KLF12: variants seen among roughly 807,000 people sequenced by gnomAD.
KLF12 encodes the protein Krueppel-like factor 12.
Under a neutral mutation model 37.8 loss-of-function variants are expected in KLF12, and 9 were observed. That is an observed-to-expected ratio of 0.24 (90% CI 0.14 to 0.42). The LOEUF (loss-of-function observed/expected upper bound fraction) is 0.42. KLF12 is among the 10% of genes least tolerant of loss of function. The probability of loss-of-function intolerance (pLI) is 1.00; values close to 1 mark genes in which losing one functional copy is unlikely to be tolerated. For synonymous variants in KLF12, 208 were observed against 202.1 expected (o/e 1.03, Z -0.25); for missense variants, 411 against 516.0 (o/e 0.80, Z 1.97).
the KLF12 span, among the ~76,000 whole-genome samples, chr13:74,306,013 TA>T: frequency 2.0e-5 from 3 of 152,090 alleles, no homozygotes; most frequent in African/African-American, 7.2e-5. Context: ...TCAGGCATGA[TA>T]CCCGGTGACC....
At chr13:73,978,594 A>ATT in intron 2 of KLF12, among the ~76,000 whole-genome samples, 1 of 152,122 alleles carries the variant, frequency 6.6e-6, no homozygotes. Context: ...TCCACCAATC[A>ATT]TTTCTTTTTT....
chr13:74,014,378 T>C (rs1183978246), intron 1 of KLF12, among the ~76,000 whole-genome samples: 1 of 152,218 alleles, frequency 6.6e-6, no homozygotes, highest in Non-Finnish European at 1.5e-5. Flanking sequence ...CCATTTAGAA[T>C]ATAAAGCACA....
the KLF12 span, among the ~76,000 whole-genome samples, chr13:74,197,403 A>C: frequency 2.0e-5 from 3 of 152,142 alleles, no homozygotes; most frequent in Non-Finnish European, 2.9e-5. Context: ...TGTAAAGTTA[A>C]AATTTCAAGA....
chr13:74,228,174 T>C, the KLF12 span, among the ~76,000 whole-genome samples: 1 of 152,162 alleles, frequency 6.6e-6, no homozygotes, highest in Non-Finnish European at 1.5e-5. Context: ...GAACTATCTA[T>C]GTCTGAGGAA....
chr13:73,858,732 C>G (rs1170900481), intron 3 of KLF12, among the ~76,000 whole-genome samples: 1 of 152,076 alleles, frequency 6.6e-6, no homozygotes, highest in African/African-American at 2.4e-5. Context: ...ATTTCCATCA[C>G]TTTTTAAAAG....
At chr13:73,873,282 T>C (rs547120682) in intron 3 of KLF12, among the ~76,000 whole-genome samples, 6 of 152,234 alleles carry the variant, frequency 3.9e-5, no homozygotes, top group African/African-American at 1.2e-4. Context: ...AAAGGGTGAA[T>C]AACCATAAAC....
intron 1 of KLF12, among the ~76,000 whole-genome samples, chr13:74,070,645 G>A (rs1874178623): frequency 6.6e-6 from 1 of 152,168 alleles, no homozygotes; most frequent in South Asian, 2.1e-4. Flanking sequence ...TGAAGAAGCT[G>A]ATAAGAGTTC....
intron 6 of KLF12, among the ~76,000 whole-genome samples, chr13:73,724,433 G>T (rs1876511520): frequency 6.6e-6 from 1 of 152,118 alleles, no homozygotes; most frequent in Non-Finnish European, 1.5e-5. Flanking sequence ...TATTGCTTGG[G>T]TAGGATTATA....
chr13:74,292,441 G>A, the KLF12 span, among the ~76,000 whole-genome samples: 5,811 of 140,650 alleles, frequency 0.041, 258 homozygotes, highest in African/African-American at 0.12. Context: ...TAAATGAAAG[G>A]GTTTCTTTTT....
chr13:73,973,740 TGAAA>T (rs1891416000), intron 2 of KLF12, among the ~76,000 whole-genome samples: 1 of 149,662 alleles, frequency 6.7e-6, no homozygotes, highest in Non-Finnish European at 1.5e-5. Flanking sequence ...AAAGAAGAAA[TGAAA>T]GAAAGAGAAG....
At chr13:74,107,713 T>C (rs1045778632) in intron 1 of KLF12, among the ~76,000 whole-genome samples, 1 of 151,950 alleles carries the variant, frequency 6.6e-6, no homozygotes, top group Non-Finnish European at 1.5e-5. Context: ...AAAGTAAAAA[T>C]CAGGGGAAGC....
chr13:73,954,874 C>T (rs980823060), intron 2 of KLF12, among the ~76,000 whole-genome samples: 1 of 152,128 alleles, frequency 6.6e-6, no homozygotes, highest in Admixed American at 6.6e-5. Context: ...ATTGGCAATG[C>T]TGTTAAATAT....
chr13:74,063,321 A>T (rs1873719873), intron 1 of KLF12, among the ~76,000 whole-genome samples: 1 of 152,226 alleles, frequency 6.6e-6, no homozygotes, highest in African/African-American at 2.4e-5. Context: ...AAACGTTTCA[A>T]AATGCTTTAA....
At chr13:73,703,831 T>C (rs1467247847) in intron 7 of KLF12, among the ~76,000 whole-genome samples, 1 of 152,150 alleles carries the variant, frequency 6.6e-6, no homozygotes, top group African/African-American at 2.4e-5. Context: ...TAAACCAGGA[T>C]ATCTGGTCAG....
intron 3 of KLF12, among the ~76,000 whole-genome samples, chr13:73,914,901 C>A (rs1342995886): frequency 6.6e-6 from 1 of 152,014 alleles, no homozygotes; most frequent in East Asian, 1.9e-4. Flanking sequence ...TTCCATTTTA[C>A]ATTCTGTATT....
intron 6 of KLF12, among the ~76,000 whole-genome samples, chr13:73,746,724 T>TA (rs1190161829): frequency 1.3e-5 from 2 of 151,604 alleles, no homozygotes; most frequent in Non-Finnish European, 2.9e-5. Context: ...TGTATCTTTC[T>TA]AAAAAAATTA....
chr13:74,155,005 G>A, the KLF12 span, among the ~76,000 whole-genome samples: 1 of 152,138 alleles, frequency 6.6e-6, no homozygotes, highest in Admixed American at 6.5e-5. Flanking sequence ...ATATTTCACA[G>A]TCAGAGCTAA....
chr13:73,767,233 CT>C (rs1334583698), intron 5 of KLF12, among the ~76,000 whole-genome samples: 1 of 152,106 alleles, frequency 6.6e-6, no homozygotes, highest in Non-Finnish European at 1.5e-5. Context: ...CATCTTCTGC[CT>C]TCTTTCCACA....
At chr13:73,707,360 A>T (rs1400208255) in intron 7 of KLF12, among the ~76,000 whole-genome samples, 1 of 152,234 alleles carries the variant, frequency 6.6e-6, no homozygotes, top group Non-Finnish European at 1.5e-5. Context: ...AAGTTCACTA[A>T]CAAGTTAGGG....
Sources: allele counts gnomAD v4.1 joint callset (sites outside exome capture counted in the v4.1 genomes callset), GRCh38; gene constraint gnomAD v4.1.1; transcripts MANE v1.5; gene names NCBI Gene and HGNC (gene_info 2026-07-23, HGNC 2026-07-21).